The following ADAP1 variants were observed in gnomAD, a reference collection of about 807,000 sequenced individuals.
The protein encoded by ADAP1 is arf-GAP with dual PH domain-containing protein 1.
Under a neutral mutation model 54.9 loss-of-function variants are expected in ADAP1, and 31 were observed. The ratio of observed to expected loss-of-function variants is 0.56; its 90% CI spans 0.42 to 0.76. ADAP1 has a LOEUF of 0.76. Ranked by LOEUF, ADAP1 falls within the 30% of genes least tolerant of loss-of-function variation. ADAP1 has a pLI of 0.00. For missense variants in ADAP1, 535 were observed against 512.4 expected (o/e 1.04, Z -0.42); for synonymous variants, 313 against 202.6 (o/e 1.55, Z -4.63).
At chr7:901,783 C>T (rs1025792853) in intron 6 of ADAP1, among the ~76,000 whole-genome samples, 14 of 150,460 alleles carry the variant, frequency 9.3e-5, no homozygotes, top group Non-Finnish European at 1.2e-4. Flanking sequence ...CCCTTTCCTC[C>T]GGCCCGCCCC....
rs527456764 is a variant in ADAP1, at chr7:926,824, G to A, written c.214-180C>T. The A allele has an allele frequency of 9.6e-4, 716 of 744,554 alleles. 1 individual carries two copies. The highest frequency in any genetic ancestry group is 1.5e-3 in the East Asian group (48 of 32,198). 46.1% of individuals were successfully genotyped at this position (744,554 alleles called of 1,614,324 possible). On this transcript the variant is annotated intron_variant, in intron 2 of 10. Coordinates refer to ENST00000265846, the MANE Select transcript of ADAP1 (RefSeq NM_006869.4). This position sits in a 1 kb window ranked among gnomAD's most constrained non-coding sequence, Gnocchi z 4.6. Reference sequence around the variant, plus strand: ...CCAGGGACACCATTTCTGAGTGATCGACCCTCCCCTGGGACAGGGAAGGAG... The same window carrying A: ...CCAGGGACACCATTTCTGAGTGATCAACCCTCCCCTGGGACAGGGAAGGAG...
At chr7:918,909 G>T (rs1191329542) in intron 4 of ADAP1, among the ~76,000 whole-genome samples, 1 of 152,122 alleles carries the variant, frequency 6.6e-6, no homozygotes, top group African/African-American at 2.4e-5. Context: ...GCCAGGAGAA[G>T]CAGGAGTTGG....
chr7:905,648 G>GAGAAAGGAGAAAGGGAAAGGAGAAAGGA (rs141647614), intron 4 of ADAP1: 1 of 29,348 alleles, frequency 3.4e-5, no homozygotes, highest in Non-Finnish European at 6.1e-5. Context: ...AAGGAGAAAG[G>GAGAAAGGAGAAAGGGAAAGGAGAAAGGA]GAAAGGAGAA....
chr7:905,217 GA>G (rs770422221), intron 4 of ADAP1, 45 bp from the exon 5 acceptor site: 1 of 1,493,430 alleles, frequency 6.7e-7, no homozygotes, highest in Non-Finnish European at 9.2e-7. Context: ...GGATGGGGGG[GA>G]GGAAACAAAA....
intron 2 of ADAP1, among the ~76,000 whole-genome samples, chr7:934,727 C>T (rs112552660): frequency 2.6e-4 from 40 of 152,292 alleles, no homozygotes; most frequent in African/African-American, 9.1e-4. Flanking sequence ...CCTCCCTGCA[C>T]GCCAGGGCTT....
chr7:939,329 C>A (rs1846873155), intron 1 of ADAP1, among the ~76,000 whole-genome samples: 1 of 152,034 alleles, frequency 6.6e-6, no homozygotes, highest in South Asian at 2.1e-4. Context: ...AAGTGATTCT[C>A]CTGCTTCAGC....
At chr7:941,288 T>C (rs995439735) in intron 1 of ADAP1, among the ~76,000 whole-genome samples, 1 of 152,196 alleles carries the variant, frequency 6.6e-6, no homozygotes, top group Admixed American at 6.5e-5. Context: ...TAGTCAACGT[T>C]GAGCTAGAGA....
At position 926,997 on chromosome 7, in the gene ADAP1, AC is replaced by A. The variant is rs905225694; in HGVS notation, c.214-354del. The stretch of plus-strand genomic sequence containing the variant: ...GGGAGAGAGCTGGCTGCATCCTGTG[AC>A]CCCCATCTCTGCCCCAGAGAGCGAG... On this transcript the variant is annotated intron_variant, in intron 2 of 10. Coordinates refer to ENST00000265846, the MANE Select transcript of ADAP1 (RefSeq NM_006869.4). The surrounding 1 kb of genome is among the most constrained non-coding windows in gnomAD (Gnocchi z 4.6). 24 of 1,258,210 alleles carry A rather than the reference AC, an allele frequency of 1.9e-5. No individual in the cohort carries two copies. In the East Asian group the frequency reaches 4.4e-4, roughly 23 times the overall value. 77.9% of individuals were successfully genotyped at this position (1,258,210 alleles called of 1,614,324 possible).
chr7:900,580 G>A lies in ADAP1; in HGVS notation c.685C>T (p.Arg229Cys), dbSNP rs1342120398. 7 of 1,611,086 alleles carry A rather than the reference G, an allele frequency of 4.3e-6. No individual in the cohort carries two copies. Among genetic ancestry groups the A allele is most frequent in the Non-Finnish European group, 4.2e-6 (5 of 1,179,328 alleles). ...VDWFNALRAA[R>C]FHYLQVAFPG... ...AATGCCACCTGCAGGTAGTGGAAGC[G>A]AGCAGCTCGGAGTGCATTGAACCAG... is the stretch of plus-strand genomic sequence containing the variant. The change falls in exon 7 of 11, where the codon CGC becomes TGC. Residue 229 changes from arginine to cysteine, a missense_variant. Physicochemically the swap from Arg to Cys is radical, Grantham distance 180 (BLOSUM62 -3). Coordinates refer to ENST00000265846, the MANE Select transcript of ADAP1 (RefSeq NM_006869.4).
rs1369337688 is a variant in ADAP1, at chr7:926,271, C to G, written c.305+282G>C. Among the ~76,000 whole-genome samples the G allele has an allele frequency of 6.6e-6, 1 of 151,548 alleles. No homozygotes were observed. Among genetic ancestry groups the G allele is most frequent in the Non-Finnish European group, 1.5e-5 (1 of 67,822 alleles). On this transcript the variant is annotated intron_variant, in intron 3 of 10. Coordinates refer to ENST00000265846, the MANE Select transcript of ADAP1 (RefSeq NM_006869.4). The surrounding 1 kb of genome is among the most constrained non-coding windows in gnomAD (Gnocchi z 4.6). ...AGCACCTGGGAGGGCCCCTCAGATC[C>G]ACCCGAGACCCCCAAGGCCTCAGCG...
At chr7:912,859 T>G (rs1315443580) in intron 4 of ADAP1, among the ~76,000 whole-genome samples, 2 of 152,044 alleles carry the variant, frequency 1.3e-5, no homozygotes, top group African/African-American at 4.8e-5. Context: ...GGCCTATTTA[T>G]TTATGTTTTA....
intron 6 of ADAP1, 87 bp downstream of exon 6, chr7:904,039 C>A (rs927679820): frequency 1.3e-6 from 2 of 1,564,084 alleles, no homozygotes; most frequent in African/African-American, 2.7e-5. Flanking sequence ...CCTCCCGTAC[C>A]GTCCAAGCAC....
intron 4 of ADAP1, among the ~76,000 whole-genome samples, chr7:912,312 G>A (rs964681466): frequency 3.3e-5 from 5 of 152,218 alleles, no homozygotes; most frequent in South Asian, 2.1e-4. Context: ...TGTGAAAGCC[G>A]CCATTGAGGC....
intron 2 of ADAP1, among the ~76,000 whole-genome samples, chr7:932,707 G>T (rs1330023539): frequency 2.0e-5 from 3 of 152,114 alleles, no homozygotes; most frequent in African/African-American, 7.2e-5. Context: ...CAGTGAAGGT[G>T]GGTCGAAGGG....
Position 926,972 on chromosome 7 carries a change from G to A in ADAP1, c.214-328C>T. Reference sequence around the variant, plus strand: ...AGTCCACCCACACCGGGTGTCCCGTGGGAGAGAGCTGGCTGCATCCTGTGA... The same window carrying A: ...AGTCCACCCACACCGGGTGTCCCGTAGGAGAGAGCTGGCTGCATCCTGTGA... On this transcript the variant is annotated intron_variant, in intron 2 of 10. Coordinates refer to ENST00000265846, the MANE Select transcript of ADAP1 (RefSeq NM_006869.4). The surrounding 1 kb of genome is among the most constrained non-coding windows in gnomAD (Gnocchi z 4.6). 2 of 1,262,846 alleles carry A rather than the reference G, an allele frequency of 1.6e-6. No homozygotes were observed. Among genetic ancestry groups the A allele is most frequent in the Non-Finnish European group, 1.0e-6 (1 of 979,254 alleles). The allele number at this position is 1,262,846 out of a possible 1,614,324, so 78.2% of individuals were successfully genotyped here. A position where few individuals can be genotyped will look rare whatever the true frequency, so the allele number is the denominator to read the frequency against.
Position 926,915 on chromosome 7 carries a change from G to C in ADAP1, c.214-271C>G. ...GGGGCCAGGCCCCTTTTGAGGATGG[G>C]TCTGAGGTTTGCCCCACCGTTTCAA... On this transcript the variant is annotated intron_variant, in intron 2 of 10. Coordinates refer to ENST00000265846, the MANE Select transcript of ADAP1 (RefSeq NM_006869.4). This position sits in a 1 kb window ranked among gnomAD's most constrained non-coding sequence, Gnocchi z 4.6. The C allele has an allele frequency of 8.5e-7, 1 of 1,177,336 alleles. No individual in the cohort carries two copies. The highest frequency in any genetic ancestry group is 1.7e-5 in the South Asian group (1 of 60,532). 72.9% of individuals were successfully genotyped at this position (1,177,336 alleles called of 1,614,324 possible).
intron 6 of ADAP1, among the ~76,000 whole-genome samples, chr7:901,592 G>A (rs183192021): frequency 5.9e-5 from 9 of 152,254 alleles, no homozygotes; most frequent in Non-Finnish European, 1.0e-4. Flanking sequence ...TCCCATAGCA[G>A]TGGGATTGCC....
chr7:905,527 A>G (rs1423840590), intron 4 of ADAP1: 1 of 47,968 alleles, frequency 2.1e-5, no homozygotes, highest in African/African-American at 7.4e-5. Context: ...GAGAAGGGAG[A>G]AGGGAGAAGG....
At chr7:906,341 AGAAAGG>A (rs1257130034) in intron 4 of ADAP1, among the ~76,000 whole-genome samples, 2 of 17,506 alleles carry the variant, frequency 1.1e-4, no homozygotes, top group African/African-American at 3.6e-4. Flanking sequence ...AGGAGAAAGG[AGAAAGG>A]GAAAGGAGAA....
Sources: allele counts gnomAD v4.1 joint callset (sites outside exome capture counted in the v4.1 genomes callset), GRCh38; gene constraint gnomAD v4.1.1; non-coding constraint Gnocchi (gnomAD v3.1); transcripts MANE v1.5; gene names NCBI Gene and HGNC (gene_info 2026-07-23, HGNC 2026-07-21).